The following SRD5A2 variants were observed in gnomAD, a reference collection of about 807,000 sequenced individuals.
SRD5A2 encodes the protein 3-oxo-5-alpha-steroid 4-dehydrogenase 2.
A neutral mutation model predicts 27.4 loss-of-function variants in SRD5A2; 30 were observed. The observed-to-expected ratio is 1.10, with a 90% CI of 0.82 to 1.49. The LOEUF is 1.49. Ranked by LOEUF, SRD5A2 falls within the 40% of genes most tolerant of loss-of-function variation. The pLI, the probability that SRD5A2 is intolerant of heterozygous loss-of-function variation, is 0.00. For missense variants in SRD5A2, 348 were observed against 323.4 expected, an observed-to-expected ratio of 1.08 and a Z score of -0.58; for synonymous variants, 141 against 133.6, an observed-to-expected ratio of 1.06 and a Z score of -0.38.
the SRD5A2 span, among the ~76,000 whole-genome samples, chr2:31,631,484 T>A: frequency 1.3e-5 from 2 of 152,044 alleles, no homozygotes; most frequent in Non-Finnish European, 2.9e-5. Flanking sequence ...ATGGGAAACG[T>A]TCCCCCCCAA....
chr2:31,628,082 T>A, the SRD5A2 span, among the ~76,000 whole-genome samples: 3 of 152,148 alleles, frequency 2.0e-5, no homozygotes, highest in Non-Finnish European at 4.4e-5. Flanking sequence ...TGTTAAAATC[T>A]TTCACTATTA....
At chr2:31,641,396 T>C in the SRD5A2 span, among the ~76,000 whole-genome samples, 1 of 152,156 alleles carries the variant, frequency 6.6e-6, no homozygotes, top group Non-Finnish European at 1.5e-5. Context: ...TAAAAGTATC[T>C]TTGAAAAATG....
chr2:31,603,584 A>G, the SRD5A2 span, among the ~76,000 whole-genome samples: 1 of 152,034 alleles, frequency 6.6e-6, no homozygotes, highest in Non-Finnish European at 1.5e-5. Context: ...TTACAAAGAT[A>G]CAAGCATGTG....
chr2:31,634,735 T>C, the SRD5A2 span, among the ~76,000 whole-genome samples: 1 of 152,122 alleles, frequency 6.6e-6, no homozygotes, highest in African/African-American at 2.4e-5. Context: ...CTCTCTATCT[T>C]CATGAGTTCT....
the SRD5A2 span, among the ~76,000 whole-genome samples, chr2:31,645,196 T>A: frequency 6.6e-6 from 1 of 152,066 alleles, no homozygotes; most frequent in Non-Finnish European, 1.5e-5. Flanking sequence ...GGTGGGAAGG[T>A]TAATGAGTAT....
At chr2:31,571,450 A>C (rs1319238116) in intron 1 of SRD5A2, among the ~76,000 whole-genome samples, 1 of 152,224 alleles carries the variant, frequency 6.6e-6, no homozygotes, top group African/African-American at 2.4e-5. Flanking sequence ...CATTCTGGAC[A>C]TAGGATCTGG....
At chr2:31,540,523 T>G (rs1473467453) in intron 1 of SRD5A2, among the ~76,000 whole-genome samples, 2 of 152,110 alleles carry the variant, frequency 1.3e-5, no homozygotes, top group African/African-American at 4.8e-5. Context: ...ATAAAAACAT[T>G]AAATAAAGGA....
At chr2:31,648,889 G>T in the SRD5A2 span, among the ~76,000 whole-genome samples, 1 of 152,118 alleles carries the variant, frequency 6.6e-6, no homozygotes, top group Non-Finnish European at 1.5e-5. Flanking sequence ...TTGAATAGAC[G>T]GTTCTACGTG....
At chr2:31,581,256 G>A (rs1022706145), upstream of SRD5A2, among the ~76,000 whole-genome samples, 1 of 152,138 alleles carries the variant, frequency 6.6e-6, no homozygotes, top group Admixed American at 6.5e-5. Context: ...AAACCCCACG[G>A]GGACGATTCA....
rs902615610 is a variant in SRD5A2, at chr2:31,524,877, C to G, written c.*1319G>C. 4.4e-6 allele frequency: 1 copy of G among 226,978 alleles called. No homozygotes were observed. Among genetic ancestry groups the G allele is most frequent in the African/African-American group, 2.2e-5 (1 of 44,932 alleles). The allele number at this position is 226,978 out of a possible 1,614,324, so 14.1% of individuals were successfully genotyped here. On this transcript the variant is annotated 3_prime_UTR_variant, in exon 5 of 5. Transcript: ENST00000622030. The stretch of plus-strand genomic sequence containing the variant: ...TATCTCAGCACTCATGCTGGGGTGA[C>G]CCCTTCACAAGAGTTTGCAAACTCA...
intron 1 of SRD5A2, among the ~76,000 whole-genome samples, chr2:31,579,868 C>G (rs1409907268): frequency 6.6e-6 from 1 of 152,146 alleles, no homozygotes; most frequent in Non-Finnish European, 1.5e-5. Flanking sequence ...TCTCCTGAAC[C>G]CGGATTTTTT....
the SRD5A2 span, among the ~76,000 whole-genome samples, chr2:31,631,212 C>T: frequency 6.6e-6 from 1 of 152,128 alleles, no homozygotes; most frequent in Non-Finnish European, 1.5e-5. Context: ...GAACTCATCT[C>T]TGAGCACAAA....
the SRD5A2 span, among the ~76,000 whole-genome samples, chr2:31,620,193 A>G: frequency 1.1e-4 from 16 of 152,282 alleles, no homozygotes; most frequent in South Asian, 3.3e-3. Flanking sequence ...CCTCAAAAGA[A>G]TAAGAGCCAT....
the SRD5A2 span, among the ~76,000 whole-genome samples, chr2:31,625,080 T>C: frequency 1.3e-5 from 2 of 152,196 alleles, no homozygotes; most frequent in Non-Finnish European, 2.9e-5. Flanking sequence ...TATCTCATTG[T>C]GGTTTTGATT....
the SRD5A2 span, among the ~76,000 whole-genome samples, chr2:31,641,963 A>G: frequency 6.6e-6 from 1 of 152,240 alleles, no homozygotes; most frequent in Non-Finnish European, 1.5e-5. Flanking sequence ...AAAAAAAAGA[A>G]TAAAGTTGAA....
chr2:31,627,965 G>C, the SRD5A2 span, among the ~76,000 whole-genome samples: 1 of 152,108 alleles, frequency 6.6e-6, no homozygotes, highest in East Asian at 1.9e-4. Flanking sequence ...TGGGGGTGGA[G>C]AGTTCTGTAC....
In SRD5A2 at chr2:31,566,787, G is replaced by T. The variant is rs1572651434; in HGVS notation, c.281+13833C>A. Among the ~76,000 whole-genome samples, 6 of 152,270 alleles carry T rather than the reference G, an allele frequency of 3.9e-5. No homozygotes were observed. In the South Asian group the frequency reaches 1.2e-3, roughly 32 times the overall value. ...TGAGATTTAATTGCATGGTCAGTTTGTAAAATACATCTTAAAATTTTGTAA... is the reference window on the plus strand; with the variant it reads ...TGAGATTTAATTGCATGGTCAGTTTTTAAAATACATCTTAAAATTTTGTAA... On this transcript the variant is annotated intron_variant, in intron 1 of 4. Transcript: ENST00000622030.
chr2:31,550,234 T>A (rs1666356624), intron 1 of SRD5A2, among the ~76,000 whole-genome samples: 1 of 152,056 alleles, frequency 6.6e-6, no homozygotes, highest in African/African-American at 2.4e-5. Flanking sequence ...GGTAATTTAT[T>A]TCTTAATTTT....
chr2:31,558,750 G>C (rs566706351), intron 1 of SRD5A2, among the ~76,000 whole-genome samples: 1 of 152,198 alleles, frequency 6.6e-6, no homozygotes, highest in South Asian at 2.1e-4. Flanking sequence ...GCCTACAGTA[G>C]TCAGTACAGT....
Sources: gnomAD v4.1 joint callset for allele counts (sites outside exome capture counted in the v4.1 genomes callset) on GRCh38, gnomAD v4.1.1 for gene constraint, MANE v1.5 for transcripts, NCBI Gene and HGNC (gene_info 2026-07-23, HGNC 2026-07-21) for gene names.